KLHL18: variants seen among roughly 807,000 people sequenced by gnomAD.
KLHL18 encodes kelch-like protein 18.
A neutral mutation model predicts 58.5 loss-of-function variants in KLHL18; 38 were observed. The observed-to-expected ratio is 0.65, with a 90% CI of 0.50 to 0.85. The LOEUF (loss-of-function observed/expected upper bound fraction) is 0.85. KLHL18 is among the 40% of genes least tolerant of loss of function. The probability of loss-of-function intolerance (pLI) is 0.00; values close to 1 mark genes in which losing one functional copy is unlikely to be tolerated. For synonymous variants in KLHL18, 303 were observed against 301.9 expected (o/e 1.00, Z -0.04); for missense variants, 624 against 778.4 (o/e 0.80, Z 2.36).
intron 1 of KLHL18, among the ~76,000 whole-genome samples, chr3:47,316,476 TATATATAC>T (rs1319736358): frequency 1.7e-4 from 12 of 68,970 alleles, no homozygotes; most frequent in Non-Finnish European, 2.0e-4. Flanking sequence ...TATATATGTA[TATATATAC>T]ATATATACAT....
intron 3 of KLHL18, among the ~76,000 whole-genome samples, chr3:47,327,100 G>A (rs1379058394): frequency 1.3e-5 from 2 of 151,756 alleles, no homozygotes; most frequent in Admixed American, 6.6e-5. Context: ...TGAGCCGGCC[G>A]TGGTGGCGCA....
At chr3:47,316,476 T>TATATATAC (rs1319736358) in intron 1 of KLHL18, among the ~76,000 whole-genome samples, 3 of 68,944 alleles carry the variant, frequency 4.4e-5, no homozygotes, top group African/African-American at 1.5e-4. Context: ...TATATATGTA[T>TATATATAC]ATATATACAT....
chr3:47,342,751 G>A lies in KLHL18; in HGVS notation c.1259G>A (p.Arg420His), dbSNP rs879426632. The A allele has an allele frequency of 1.2e-5, 19 of 1,614,188 alleles. No individual in the cohort carries two copies. Among genetic ancestry groups the A allele is most frequent in the Non-Finnish European group, 1.5e-5 (18 of 1,180,018 alleles). Residue 420 changes from arginine to histidine, a missense_variant, in exon 9 of 10, where the codon CGC (arginine) becomes CAC (histidine). Physicochemically the swap from Arg to His is conservative, Grantham distance 29 (BLOSUM62 0). Coordinates refer to ENST00000232766, the MANE Select transcript of KLHL18 (RefSeq NM_025010.5). ...GTGGTGACCTCGATGAGCTCGAATC[G>A]CAGTGCTGCTGGGGTTACAGTCTTT... ...WTVVTSMSSN[R>H]SAAGVTVFEG...
intron 1 of KLHL18, chr3:47,297,670 G>C: frequency 2.2e-6 from 1 of 451,100 alleles, no homozygotes; most frequent in Non-Finnish European, 4.4e-6. Flanking sequence ...TTAAAAAGAA[G>C]AGGTAAAATT....
At chr3:47,296,999 T>C (rs771606307) in intron 1 of KLHL18, among the ~76,000 whole-genome samples, 1 of 152,118 alleles carries the variant, frequency 6.6e-6, no homozygotes, top group African/African-American at 2.4e-5. Flanking sequence ...TGGATCTGAG[T>C]AGTAGGAAGT....
chr3:47,296,221 A>G (rs1214324295), intron 1 of KLHL18, among the ~76,000 whole-genome samples: 1 of 152,230 alleles, frequency 6.6e-6, no homozygotes, highest in Non-Finnish European at 1.5e-5. Flanking sequence ...TGGTCTGAGC[A>G]GGATGTAGAT....
At chr3:47,314,587 C>T (rs1576159218) in intron 1 of KLHL18, among the ~76,000 whole-genome samples, 1 of 152,238 alleles carries the variant, frequency 6.6e-6, no homozygotes, top group East Asian at 1.9e-4. Flanking sequence ...CCCACCTCTG[C>T]CTCCCTGAGA....
chr3:47,292,565 A>C (rs548716925), intron 1 of KLHL18, among the ~76,000 whole-genome samples: 1 of 152,276 alleles, frequency 6.6e-6, no homozygotes, highest in Admixed American at 6.5e-5. Context: ...AATAGCCAAA[A>C]GGTGGAAGCA....
At chr3:47,321,877 A>G (rs1192819595) in intron 2 of KLHL18, among the ~76,000 whole-genome samples, 1 of 152,146 alleles carries the variant, frequency 6.6e-6, no homozygotes, top group African/African-American at 2.4e-5. Flanking sequence ...AGCCCTCCAA[A>G]CAGGGAGCAG....
intron 7 of KLHL18, chr3:47,337,623 A>G (rs1332680123): frequency 2.6e-5 from 4 of 152,228 alleles, no homozygotes; most frequent in Non-Finnish European, 4.4e-5. Flanking sequence ...ATATATGCCT[A>G]ATGTTGTTCC....
chr3:47,330,135 A>T lies in KLHL18; in HGVS notation c.586A>T (p.Lys196Ter). 1 of 1,614,112 alleles carries T rather than the reference A, an allele frequency of 6.2e-7. No individual in the cohort carries two copies. The highest frequency in any genetic ancestry group is 1.3e-5 in the African/African-American group (1 of 75,034). The change falls in exon 4 of 10, where the codon AAA (lysine) becomes TAA (stop). Residue 196 changes from lysine (K) to a stop codon, truncating the protein, a stop_gained. Coordinates refer to ENST00000232766, the MANE Select transcript of KLHL18 (RefSeq NM_025010.5). LOFTEE classifies it high-confidence loss of function. ...ELVSRDELNV[K>*]SEEQVFEAAL... ...GGTGTCTCGGGATGAGCTGAATGTC[A>T]AATCTGAGGAGCAGGTATGTGAGCC...
intron 1 of KLHL18, among the ~76,000 whole-genome samples, chr3:47,295,939 G>T (rs564302705): frequency 6.6e-6 from 1 of 152,232 alleles, no homozygotes; most frequent in South Asian, 2.1e-4. Context: ...ACAGTGGGGG[G>T]TTGTGTGAAG....
intron 1 of KLHL18, among the ~76,000 whole-genome samples, chr3:47,285,647 G>C (rs1394438771): frequency 6.6e-6 from 1 of 152,156 alleles, no homozygotes; most frequent in Non-Finnish European, 1.5e-5. Flanking sequence ...AGCGTGGGAT[G>C]GTCACAGATA....
intron 4 of KLHL18, among the ~76,000 whole-genome samples, chr3:47,331,275 C>T (rs139832781): frequency 1.4e-4 from 21 of 151,642 alleles, no homozygotes; most frequent in Non-Finnish European, 2.5e-4. Flanking sequence ...TACAGGTGCC[C>T]GCTACCATGC....
rs55695849 is a variant in KLHL18, at chr3:47,299,826, C to CA, written c.129+16761dup. Among the ~76,000 whole-genome samples, 159 of 43,818 alleles carry CA rather than the reference C, an allele frequency of 3.6e-3. 6 individuals carry two copies. The highest frequency in any genetic ancestry group is 0.011 in the African/African-American group (109 of 9,602). The allele number at this position is 43,818 out of a possible 152,430, so 28.7% of individuals were successfully genotyped here. A position where few individuals can be genotyped will look rare whatever the true frequency, so the allele number is the denominator to read the frequency against. On this transcript the variant is annotated intron_variant, in intron 1 of 9. Transcript: ENST00000232766. Reference sequence around the variant, plus strand: ...TGCGTGACAGAGTGATACTGTGTCTCAAAAAAAAAAAAAAAAAAAAAAAAA... The same window carrying CA: ...TGCGTGACAGAGTGATACTGTGTCTCAAAAAAAAAAAAAAAAAAAAAAAAAA...
intron 1 of KLHL18, among the ~76,000 whole-genome samples, chr3:47,298,987 A>G (rs1057414979): frequency 6.6e-6 from 1 of 152,256 alleles, no homozygotes; most frequent in Admixed American, 6.5e-5. Flanking sequence ...TAAAGCTGCT[A>G]TGGATATTCA....
At chr3:47,335,578 G>C (rs778953999) in intron 6 of KLHL18, among the ~76,000 whole-genome samples, 1 of 152,154 alleles carries the variant, frequency 6.6e-6, no homozygotes, top group Non-Finnish European at 1.5e-5. Context: ...CGCAATCTCA[G>C]CTCACTGCAA....
In KLHL18 at chr3:47,343,870, A is replaced by G; in HGVS notation, c.1654A>G (p.Thr552Ala). ...GTATGACCCAGAGACAGACTGCTGG[A>G]CATTCATGGCCCCCATGGCGTGCCA... Reference protein sequence around the residue: ...EMYDPETDCWTFMAPMACHEG... With the variant: ...EMYDPETDCWAFMAPMACHEG... Residue 552 changes from threonine (T) to alanine (A), a missense_variant, in exon 10 of 10, where the codon ACA (threonine) becomes GCA (alanine). Thr to Ala is a moderately conservative substitution (Grantham distance 58). Coordinates refer to ENST00000232766, the MANE Select transcript of KLHL18 (RefSeq NM_025010.5). 1 of 1,614,172 alleles carries G rather than the reference A, an allele frequency of 6.2e-7. No individual in the cohort carries two copies. Among genetic ancestry groups the G allele is most frequent in the Middle Eastern group, 1.6e-4 (1 of 6,062 alleles).
intron 1 of KLHL18, among the ~76,000 whole-genome samples, chr3:47,315,979 G>T (rs1703412791): frequency 6.6e-6 from 1 of 152,134 alleles, no homozygotes; most frequent in Admixed American, 6.5e-5. Context: ...TAGGGTTGAA[G>T]AAGTTTCCTC....
Sources: gnomAD v4.1 joint callset for allele counts (sites outside exome capture counted in the v4.1 genomes callset) on GRCh38, gnomAD v4.1.1 for gene constraint, MANE v1.5 for transcripts, NCBI Gene and HGNC (gene_info 2026-07-23, HGNC 2026-07-21) for gene names.